C5: variants seen among roughly 807,000 people sequenced by gnomAD.
The protein encoded by C5 is complement C5.
Under a neutral mutation model 218.8 loss-of-function variants are expected in C5, and 140 were observed. The ratio of observed to expected loss-of-function variants is 0.64; its 90% confidence interval spans 0.56 to 0.74. C5 has a LOEUF of 0.74. C5 is among the 30% of genes least tolerant of loss of function. The pLI, the probability that C5 is intolerant of heterozygous loss-of-function variation, is 0.00. For missense variants in C5, 1,700 were observed against 1,969.6 expected (o/e 0.86, Z 2.59); for synonymous variants, 614 against 682.3 (o/e 0.90, Z 1.56).
At chr9:121,050,335 G>C (rs2047662897), upstream of C5, 1 of 1,078,138 alleles carries the variant, frequency 9.3e-7, no homozygotes, top group African/African-American at 1.6e-5. Context: ...CAGATAATCT[G>C]GTTAATTATT....
intron 25 of C5, among the ~76,000 whole-genome samples, chr9:120,984,114 C>T (rs949224604): frequency 6.6e-6 from 1 of 152,146 alleles, no homozygotes; most frequent in Non-Finnish European, 1.5e-5. Flanking sequence ...TATTTTGGTA[C>T]AGATGCACCA....
chr9:121,034,782 T>C (rs995337617), intron 5 of C5, 21 bp downstream of exon 5: 1 of 1,357,592 alleles, frequency 7.4e-7, no homozygotes, highest in Non-Finnish European at 1.1e-6. Context: ...TGTGGTTTTA[T>C]TAACAACTAT....
intron 2 of C5, among the ~76,000 whole-genome samples, chr9:121,043,700 CTTTTTTTTTT>C (rs34794535): frequency 1.7e-5 from 2 of 120,662 alleles, no homozygotes; most frequent in African/African-American, 3.1e-5. Context: ...GTCCAGCTAA[CTTTTTTTTTT>C]TTTTTTTTTT....
chr9:120,972,190 A>C (rs2046920073), intron 30 of C5, among the ~76,000 whole-genome samples, 198 bp from the exon 31 acceptor site: 2 of 152,170 alleles, frequency 1.3e-5, no homozygotes, highest in African/African-American at 4.8e-5. Context: ...TCCCTTCTAC[A>C]TGTAAATAAG....
the C5 span, among the ~76,000 whole-genome samples, chr9:121,061,969 C>T: frequency 6.6e-6 from 1 of 152,188 alleles, no homozygotes; most frequent in Non-Finnish European, 1.5e-5. Flanking sequence ...TCTATGTTAT[C>T]ATATTCAAGG....
In C5 at chr9:121,018,770, G is replaced by A. The variant is rs989251227; in HGVS notation, c.1507-918C>T. The stretch of plus-strand genomic sequence containing the variant: ...GGAAGGAAGGAAGGAAGGAAGGAAG[G>A]AAGGAAGGAAGGAAGGAAGGAAGGA... On this transcript the variant is annotated intron_variant, in intron 12 of 40. Coordinates refer to ENST00000223642, the MANE Select transcript of C5 (RefSeq NM_001735.3). Among the ~76,000 whole-genome samples, 128 of 150,200 alleles carry A rather than the reference G, an allele frequency of 8.5e-4. 1 individual carries two copies. The highest frequency in any genetic ancestry group is 3.4e-3 in the Middle Eastern group (1 of 292).
the C5 span, among the ~76,000 whole-genome samples, chr9:121,070,384 G>GACAT: frequency 8.2e-5 from 6 of 72,900 alleles, no homozygotes; most frequent in Non-Finnish European, 1.2e-4. Context: ...AAGGAAGGGT[G>GACAT]ATATATATAT....
the C5 span, chr9:121,074,618 C>G: frequency 2.8e-6 from 1 of 359,594 alleles, no homozygotes; most frequent in African/African-American, 2.1e-5. Context: ...AGGCCGTCCT[C>G]GGACACAGGC....
chr9:121,056,201 C>T, the C5 span, among the ~76,000 whole-genome samples: 9 of 152,180 alleles, frequency 5.9e-5, no homozygotes, highest in African/African-American at 2.2e-4. Flanking sequence ...CAGACATGGA[C>T]GAATATCCAC....
rs1260622905 is a variant in C5, at chr9:121,023,298, C to CT, written c.1116+105dup. The CT allele has an allele frequency of 3.7e-6, 3 of 805,498 alleles. No individual in the cohort carries two copies. In the African/African-American group the frequency reaches 5.0e-5, roughly 13 times the overall value. 49.9% of individuals were successfully genotyped at this position (805,498 alleles called of 1,614,324 possible). On this transcript the variant is annotated intron_variant, in intron 10 of 40. Transcript: ENST00000223642. ...GCAGGTTTCACAGAATAAGCTCCCTCTGTGACTTCATGGCAACATTCTTAC... is the reference window on the plus strand; with the variant it reads ...GCAGGTTTCACAGAATAAGCTCCCTCTTGTGACTTCATGGCAACATTCTTAC...
upstream of C5, among the ~76,000 whole-genome samples, chr9:121,055,275 G>T (rs1034983857): frequency 3.3e-5 from 5 of 151,964 alleles, no homozygotes; most frequent in African/African-American, 1.2e-4. Flanking sequence ...ACTCATATTG[G>T]CTCAAAATAT....
intron 26 of C5, among the ~76,000 whole-genome samples, chr9:120,982,300 G>A (rs550048315): frequency 4.1e-4 from 62 of 152,146 alleles, no homozygotes; most frequent in African/African-American, 1.4e-3. Context: ...GTGAGCCACC[G>A]CACCTGGCCT....
At chr9:120,955,979 C>T (rs2046781445) in intron 39 of C5, among the ~76,000 whole-genome samples, 1 of 152,022 alleles carries the variant, frequency 6.6e-6, no homozygotes, top group South Asian at 2.1e-4. Context: ...GCTTTATGGT[C>T]CTACTTATTG....
chr9:121,062,573 T>C, the C5 span, among the ~76,000 whole-genome samples: 5 of 152,272 alleles, frequency 3.3e-5, no homozygotes, highest in East Asian at 3.9e-4. Context: ...AGGCAAGGTA[T>C]TGGCAGAGTA....
At chr9:121,048,622 T>C (rs775200207) in intron 1 of C5, among the ~76,000 whole-genome samples, 2 of 152,214 alleles carry the variant, frequency 1.3e-5, no homozygotes, top group African/African-American at 2.4e-5. Context: ...CAAAAATACA[T>C]AGTGTTTAGA....
chr9:121,024,777 C>CT (rs2047405370), intron 9 of C5, among the ~76,000 whole-genome samples: 2 of 152,192 alleles, frequency 1.3e-5, no homozygotes, highest in South Asian at 4.1e-4. Context: ...ATATGGAATT[C>CT]TTTCTTGCAA....
intron 17 of C5, among the ~76,000 whole-genome samples, chr9:121,010,995 G>C (rs969050650): frequency 6.6e-6 from 1 of 152,156 alleles, no homozygotes; most frequent in African/African-American, 2.4e-5. Context: ...ATTGATTAAA[G>C]ATTTAACTCT....
At chr9:120,979,932 C>A in intron 28 of C5, 151 bp downstream of exon 28, 1 of 683,368 alleles carries the variant, frequency 1.5e-6, no homozygotes, top group Non-Finnish European at 2.6e-6. Context: ...GAATGAATAA[C>A]GGCACACATT....
At position 120,994,400 on chromosome 9, in the gene C5, T is replaced by C. The variant is rs542013971; in HGVS notation, c.2851+1840A>G. On this transcript the variant is annotated intron_variant, in intron 22 of 40. Transcript: ENST00000223642. The stretch of plus-strand genomic sequence containing the variant: ...GAGTTCCAGACCAGCCTTGCCAACA[T>C]GGTAAAACCCCGTCTCTACTAAAAA... 3.1e-3 allele frequency among the ~76,000 whole-genome samples: 473 copies of C among 152,112 alleles called. 3 individuals are homozygous for C. Among genetic ancestry groups the C allele is most frequent in the African/African-American group, 0.011 (458 of 41,498 alleles).
Sources: allele counts gnomAD v4.1 joint callset (sites outside exome capture counted in the v4.1 genomes callset), GRCh38; gene constraint gnomAD v4.1.1; transcripts MANE v1.5; gene names NCBI Gene and HGNC (gene_info 2026-07-23, HGNC 2026-07-21).